WDR72: variants seen among roughly 807,000 people sequenced by gnomAD.
WDR72 encodes WD repeat domain 72.
Under a neutral mutation model 124.2 loss-of-function variants are expected in WDR72, and 120 were observed. The ratio of observed to expected loss-of-function variants is 0.97; its 90% CI spans 0.83 to 1.12. The LOEUF (loss-of-function observed/expected upper bound fraction) is 1.12. WDR72 is among the 50% of genes most tolerant of loss of function. The pLI, the probability that WDR72 is intolerant of heterozygous loss-of-function variation, is 0.00. For synonymous variants in WDR72, 452 were observed against 441.7 expected (o/e 1.02, Z -0.29); for missense variants, 1,387 against 1,278.8 (o/e 1.08, Z -1.29).
intron 18 of WDR72, among the ~76,000 whole-genome samples, chr15:53,557,153 G>A (rs559657932): frequency 6.6e-6 from 1 of 152,180 alleles, no homozygotes; most frequent in East Asian, 1.9e-4. Flanking sequence ...TGTCCAAAAA[G>A]CTTGGAGGCC....
At chr15:53,744,442 C>T (rs532782766) in intron 1 of WDR72, among the ~76,000 whole-genome samples, 29 of 152,268 alleles carry the variant, frequency 1.9e-4, no homozygotes, top group East Asian at 1.3e-3. Flanking sequence ...CTGACTGTTG[C>T]GCACTCACAG....
chr15:53,702,425 C>G (rs1475165375), intron 11 of WDR72, 71 bp from the exon 12 acceptor site: 27 of 1,308,520 alleles, frequency 2.1e-5, no homozygotes, highest in Admixed American at 1.2e-4. Flanking sequence ...AGATTCTCTT[C>G]TATAAAATTT....
chr15:53,580,963 T>A (rs142260818), intron 18 of WDR72, among the ~76,000 whole-genome samples: 1 of 104,490 alleles, frequency 9.6e-6, no homozygotes, highest in Non-Finnish European at 2.1e-5. Context: ...GTTATAATTA[T>A]TTGTTTTAAG....
chr15:53,718,781 A>C (rs551500815), intron 3 of WDR72, among the ~76,000 whole-genome samples: 2 of 84,398 alleles, frequency 2.4e-5, no homozygotes, highest in Non-Finnish European at 7.4e-5. Flanking sequence ...AATTTTAAAA[A>C]TCTTAAGATT....
intron 9 of WDR72, among the ~76,000 whole-genome samples, chr15:53,707,483 G>C (rs1473385835): frequency 6.6e-6 from 1 of 150,986 alleles, no homozygotes; most frequent in Non-Finnish European, 1.5e-5. Flanking sequence ...GTCTCGCTCT[G>C]TTGCCCAGGC....
In WDR72 at chr15:53,549,491, C is replaced by T. The variant is rs551548957; in HGVS notation, c.3149-26169G>A. On this transcript the variant is annotated intron_variant, in intron 18 of 19. Transcript: ENST00000360509. ...AATAGATGCGTGTTTTCCCATTTAT[C>T]GACCAGAAAATTTAAACTCAAGGTA... Among the ~76,000 whole-genome samples, 32 of 152,240 alleles carry T rather than the reference C, an allele frequency of 2.1e-4. 1 individual carries two copies. In the South Asian group the frequency reaches 6.6e-3, roughly 32 times the overall value.
chr15:53,564,653 C>T (rs548180072), intron 18 of WDR72, among the ~76,000 whole-genome samples: 1 of 151,846 alleles, frequency 6.6e-6, no homozygotes, highest in Admixed American at 6.6e-5. Flanking sequence ...GCTGCTCTAA[C>T]CATTAGCATC....
chr15:53,755,803 A>G (rs1166394736), intron 1 of WDR72, among the ~76,000 whole-genome samples: 2 of 152,206 alleles, frequency 1.3e-5, no homozygotes, highest in Admixed American at 1.3e-4. Flanking sequence ...GATCAAGAAG[A>G]GTTTCTCCAA....
intron 17 of WDR72, among the ~76,000 whole-genome samples, chr15:53,605,278 G>A (rs1162207587): frequency 6.6e-6 from 1 of 152,158 alleles, no homozygotes; most frequent in Non-Finnish European, 1.5e-5. Context: ...TTATAAGTGG[G>A]AGCTAAATGA....
chr15:53,719,636 C>T (rs1355882279), intron 3 of WDR72, among the ~76,000 whole-genome samples: 1 of 152,206 alleles, frequency 6.6e-6, no homozygotes, highest in African/African-American at 2.4e-5. Flanking sequence ...CATTTTCTCT[C>T]ACGCTCCCAA....
chr15:53,684,653 A>ATTAGGTAAACAAAGCTGCCCC (rs1567025935), intron 13 of WDR72: 3 of 154,306 alleles, frequency 1.9e-5, no homozygotes, highest in Middle Eastern at 3.0e-3. Flanking sequence ...GCCATTGCCC[A>ATTAGGTAAACAAAGCTGCCCC]GGCTTGATTA....
intron 1 of WDR72, among the ~76,000 whole-genome samples, chr15:53,735,330 A>G (rs1197678759): frequency 6.6e-6 from 1 of 152,180 alleles, no homozygotes; most frequent in East Asian, 1.9e-4. Context: ...AATGTACAGC[A>G]ACTGGAACTC....
chr15:53,700,769 G>GAA (rs556896214), intron 12 of WDR72, among the ~76,000 whole-genome samples: 2 of 149,214 alleles, frequency 1.3e-5, no homozygotes, highest in African/African-American at 4.9e-5. Context: ...AAATCGTAAG[G>GAA]AAAAAAAAAA....
At chr15:53,662,081 G>A (rs1349692287) in intron 14 of WDR72, among the ~76,000 whole-genome samples, 1 of 152,108 alleles carries the variant, frequency 6.6e-6, no homozygotes, top group Non-Finnish European at 1.5e-5. Flanking sequence ...GCAATATATA[G>A]ATGATTTTAG....
intron 14 of WDR72, among the ~76,000 whole-genome samples, chr15:53,632,036 A>G (rs1176333093): frequency 6.6e-6 from 1 of 152,230 alleles, no homozygotes; most frequent in Admixed American, 6.5e-5. Flanking sequence ...ACAAATTTGC[A>G]TAAGTAAAGA....
At chr15:53,741,959 C>T (rs567584267) in intron 1 of WDR72, among the ~76,000 whole-genome samples, 1 of 152,262 alleles carries the variant, frequency 6.6e-6, no homozygotes, top group African/African-American at 2.4e-5. Context: ...AACTCCTGAC[C>T]TCAAGTGATC....
chr15:53,688,744 C>T (rs988431290), intron 13 of WDR72, among the ~76,000 whole-genome samples: 1 of 151,998 alleles, frequency 6.6e-6, no homozygotes. Context: ...CAAAAAAGAG[C>T]CCGCATCGCC....
intron 13 of WDR72, among the ~76,000 whole-genome samples, chr15:53,670,904 C>G (rs1291308287): frequency 6.6e-6 from 1 of 152,126 alleles, no homozygotes; most frequent in East Asian, 1.9e-4. Context: ...GGCCTGAGGT[C>G]ACTGGGCATA....
intron 14 of WDR72, among the ~76,000 whole-genome samples, chr15:53,664,044 G>A (rs900581985): frequency 1.3e-5 from 2 of 152,052 alleles, no homozygotes; most frequent in African/African-American, 2.4e-5. Context: ...ACAAAAGCAG[G>A]TGTTCTAAAT....
Sources: gnomAD v4.1 joint callset for allele counts (sites outside exome capture counted in the v4.1 genomes callset) on GRCh38, gnomAD v4.1.1 for gene constraint, MANE v1.5 for transcripts, NCBI Gene and HGNC (gene_info 2026-07-23, HGNC 2026-07-21) for gene names.